UNC13B: variants seen among roughly 807,000 people sequenced by gnomAD.
UNC13B encodes the protein unc-13 homolog B.
In UNC13B, 144 loss-of-function variants were observed where a neutral mutation model predicts 211.0. The observed-to-expected ratio is 0.68, with a 90% CI of 0.60 to 0.78. UNC13B has a LOEUF of 0.78. Ranked by LOEUF, UNC13B falls within the 30% of genes least tolerant of loss-of-function variation. The probability of loss-of-function intolerance (pLI) is 0.00; values close to 1 mark genes in which losing one functional copy is unlikely to be tolerated. For synonymous variants in UNC13B, 709 were observed against 725.8 expected, an observed-to-expected ratio of 0.98 and a Z score of 0.37; for missense variants, 1,777 against 2,002.0, an observed-to-expected ratio of 0.89 and a Z score of 2.14.
chr9:35,301,171 A>G lies in UNC13B; in HGVS notation c.1767A>G (p.Val589=). The change falls in exon 9 of 40, where the codon GTA becomes GTG. Residue 589 remains valine (V), a synonymous_variant. Coordinates refer to ENST00000635942, the MANE Select transcript of UNC13B (RefSeq NM_001371189.2). The part of the protein sequence containing the change: ...NLGSKPRAMA[V]LGKDLSMQSP... ...GATCTAAACCCAGAGCCATGGCAGT[A>G]TTGGGGAAGGATCTTTCCATGCAAT... is the stretch of plus-strand genomic sequence containing the variant. 1 of 398,940 alleles carries G rather than the reference A, an allele frequency of 2.5e-6. No individual in the cohort carries two copies. The highest frequency in any genetic ancestry group is 4.4e-6 in the Non-Finnish European group (1 of 225,968). 24.7% of individuals were successfully genotyped at this position (398,940 alleles called of 1,614,324 possible). A position where few individuals can be genotyped will look rare whatever the true frequency, so the allele number is the denominator to read the frequency against.
chr9:35,376,284 C>T, intron 15 of UNC13B, 37 bp downstream of exon 15: 1 of 1,599,414 alleles, frequency 6.3e-7, no homozygotes, highest in South Asian at 1.1e-5. Flanking sequence ...GGGAGTGGGG[C>T]AGCAGGGGCT....
intron 11 of UNC13B, chr9:35,360,660 T>C: frequency 6.6e-6 from 1 of 152,086 alleles, no homozygotes; most frequent in East Asian, 1.9e-4. Flanking sequence ...TAGTTAAAAA[T>C]TTTTTTTGAA....
chr9:35,341,815 C>A, intron 11 of UNC13B: 1 of 509,806 alleles, frequency 2.0e-6, no homozygotes, highest in Non-Finnish European at 2.5e-6. Flanking sequence ...GGCTGGTGCC[C>A]TATGGGAGGT....
At position 35,295,781 on chromosome 9, in the gene UNC13B, T is replaced by C. The variant is rs1323244310; in HGVS notation, c.612T>C (p.His204=). The C allele has an allele frequency of 9.9e-6, 16 of 1,614,122 alleles. No individual in the cohort carries two copies. Among genetic ancestry groups the C allele is most frequent in the Middle Eastern group, 1.6e-4 (1 of 6,062 alleles). ...ETSNSFPPPY[H]TASQPNASVH... ...GCAACAGCTTCCCACCTCCTTACCA[T>C]ACAGCTTCCCAGCCCAACGCTTCTG... Residue 204 remains histidine (H), a synonymous_variant, in exon 8 of 40, where the codon CAT becomes CAC. Coordinates refer to ENST00000635942, the MANE Select transcript of UNC13B (RefSeq NM_001371189.2).
intron 25 of UNC13B, 21 bp from the exon 26 acceptor site, chr9:35,390,608 G>C (rs1487221745): frequency 1.2e-6 from 2 of 1,612,822 alleles, no homozygotes; most frequent in African/African-American, 1.3e-5. Context: ...TTCTCTGACT[G>C]TGGTTTCTTC....
chr9:35,325,567 C>T (rs376248603), intron 11 of UNC13B, among the ~76,000 whole-genome samples: 7 of 152,212 alleles, frequency 4.6e-5, no homozygotes, highest in African/African-American at 1.7e-4. Flanking sequence ...TTTTTAGTAA[C>T]AAATATTTTT....
At position 35,307,876 on chromosome 9, in the gene UNC13B, A is replaced by G. The variant is rs983365017; in HGVS notation, c.8472A>G (p.Lys2824=). 6 of 398,882 alleles carry G rather than the reference A, an allele frequency of 1.5e-5. No individual in the cohort carries two copies. Among genetic ancestry groups the G allele is most frequent in the African/African-American group, 1.2e-4 (6 of 48,636 alleles). The allele number at this position is 398,882 out of a possible 1,614,324, so 24.7% of individuals were successfully genotyped here. A position where few individuals can be genotyped will look rare whatever the true frequency, so the allele number is the denominator to read the frequency against. Residue 2824 remains lysine, a synonymous_variant, in exon 9 of 40, where the codon AAA becomes AAG. Coordinates refer to ENST00000635942, the MANE Select transcript of UNC13B (RefSeq NM_001371189.2). ...STLFEGSSEG[K]GSVLASDSKL... ...TATTTGAGGGAAGTAGTGAGGGGAA[A>G]GGGAGTGTATTAGCAAGTGATTCAA...
At chr9:35,222,422 CA>C (rs1192610789) in intron 1 of UNC13B, among the ~76,000 whole-genome samples, 2 of 152,058 alleles carry the variant, frequency 1.3e-5, no homozygotes, top group Non-Finnish European at 2.9e-5. Flanking sequence ...TGCTGTTGTA[CA>C]TAGCATTTTT....
chr9:35,272,416 C>G (rs374941019), intron 7 of UNC13B, among the ~76,000 whole-genome samples: 1 of 151,832 alleles, frequency 6.6e-6, no homozygotes, highest in Non-Finnish European at 1.5e-5. Flanking sequence ...TACCACCACA[C>G]GTGGCTAATT....
In UNC13B at chr9:35,376,163, G is replaced by A; in HGVS notation, c.9751G>A (p.Ala3251Thr). The A allele has an allele frequency of 6.2e-7, 1 of 1,614,234 alleles. No individual in the cohort carries two copies. The highest frequency in any genetic ancestry group is 1.1e-5 in the South Asian group (1 of 91,088). Residue 3251 changes from alanine (A) to threonine (T), a missense_variant, in exon 15 of 40, where the codon GCC becomes ACC. Coordinates refer to ENST00000635942, the MANE Select transcript of UNC13B (RefSeq NM_001371189.2). Reference protein sequence around the residue: ...YECEGLLWGIARQGMRCSECG... With the variant: ...YECEGLLWGITRQGMRCSECG... The stretch of plus-strand genomic sequence containing the variant: ...GTGTGAAGGCCTGCTCTGGGGCATT[G>A]CCCGGCAGGGCATGCGCTGCAGCGA...
intron 11 of UNC13B, among the ~76,000 whole-genome samples, chr9:35,316,599 T>C (rs1230905843): frequency 1.3e-5 from 2 of 152,186 alleles, no homozygotes; most frequent in Non-Finnish European, 2.9e-5. Flanking sequence ...TATTAACATA[T>C]TAAAAATATT....
chr9:35,303,459 G>A lies in UNC13B; in HGVS notation c.4055G>A (p.Ser1352Asn), dbSNP rs1829781928. ...NNYQAFEEMN[S>N]PFCFEWDSDI... ...TATCAGGCTTTTGAAGAGATGAACAGTCCTTTCTGTTTTGAATGGGACTCT... is the reference window on the plus strand; with the variant it reads ...TATCAGGCTTTTGAAGAGATGAACAATCCTTTCTGTTTTGAATGGGACTCT... The change falls in exon 9 of 40, where the codon AGT becomes AAT. Residue 1352 changes from serine to asparagine, a missense_variant. By Grantham distance (46) the Ser-to-Asn change is conservative. Coordinates refer to ENST00000635942, the MANE Select transcript of UNC13B (RefSeq NM_001371189.2). The A allele has an allele frequency of 2.5e-6, 1 of 398,778 alleles. No homozygotes were observed. Among genetic ancestry groups the A allele is most frequent in the Non-Finnish European group, 4.4e-6 (1 of 225,832 alleles). 24.7% of individuals were successfully genotyped at this position (398,778 alleles called of 1,614,324 possible).
chr9:35,336,317 C>G (rs2131989592), intron 11 of UNC13B, among the ~76,000 whole-genome samples: 1 of 152,078 alleles, frequency 6.6e-6, no homozygotes, highest in East Asian at 1.9e-4. Context: ...ACTACCCCGT[C>G]AAACATAAAA....
chr9:35,331,879 T>C (rs1831388567), intron 11 of UNC13B, among the ~76,000 whole-genome samples: 1 of 152,184 alleles, frequency 6.6e-6, no homozygotes, highest in African/African-American at 2.4e-5. Flanking sequence ...ATCTCAAAAC[T>C]GCATCTCTTC....
chr9:35,364,656 TGTGTGTGTACATGCACATGTGCGTGC>T lies in UNC13B; in HGVS notation c.9415-2290_9415-2265del. On this transcript the variant is annotated intron_variant, in intron 11 of 39. Transcript: ENST00000635942. ...CTGTATGTGTGTGTGTATGTGTGTG[TGTGTGTGTACATGCACATGTGCGTGC>T]ATGATCTGTGCCTCTGAGCTTTGGC... 5 of 1,385,194 alleles carry T rather than the reference TGTGTGTGTACATGCACATGTGCGTGC, an allele frequency of 3.6e-6. No individual in the cohort carries two copies. The South Asian group carries it at 5.3e-5, about 15-fold the overall frequency. 85.8% of individuals were successfully genotyped at this position (1,385,194 alleles called of 1,614,324 possible).
At chr9:35,243,247 T>TG (rs1394621704) in intron 5 of UNC13B, 44 bp from the exon 6 acceptor site, 1 of 1,581,824 alleles carries the variant, frequency 6.3e-7, no homozygotes, top group Non-Finnish European at 8.7e-7. Flanking sequence ...ATTTATTACC[T>TG]GCTGATGTGA....
At chr9:35,255,766 T>C (rs999756332) in intron 6 of UNC13B, among the ~76,000 whole-genome samples, 1 of 152,130 alleles carries the variant, frequency 6.6e-6, no homozygotes, top group African/African-American at 2.4e-5. Flanking sequence ...AGAAGCAATT[T>C]GGGGAGGTTC....
intron 3 of UNC13B, among the ~76,000 whole-genome samples, chr9:35,234,597 T>C (rs1825390782): frequency 6.6e-6 from 1 of 152,200 alleles, no homozygotes; most frequent in Non-Finnish European, 1.5e-5. Flanking sequence ...ATCTACTTTG[T>C]GGCTCTGAAC....
Position 35,397,667 on chromosome 9 carries a change from C to T in UNC13B, c.11709C>T (p.Asp3903=). The T allele has an allele frequency of 6.2e-7, 1 of 1,614,084 alleles. No individual in the cohort carries two copies. Among genetic ancestry groups the T allele is most frequent in the Non-Finnish European group, 8.5e-7 (1 of 1,179,992 alleles). The stretch of plus-strand genomic sequence containing the variant: ...GGAAGGTGCTGATGCAGTATGCAGA[C>T]ATCTTGTCAAAGGACTTCCCAGCCT... The part of the protein sequence containing the change: ...TIGKVLMQYA[D]ILSKDFPAYC... The change falls in exon 30 of 40, where the codon GAC becomes GAT. Residue 3903 remains aspartate (D), a synonymous_variant. Transcript: ENST00000635942.
Sources: allele counts gnomAD v4.1 joint callset (sites outside exome capture counted in the v4.1 genomes callset), GRCh38; gene constraint gnomAD v4.1.1; transcripts MANE v1.5; gene names NCBI Gene and HGNC (gene_info 2026-07-23, HGNC 2026-07-21).